The following NDST3 variants were observed in gnomAD, a reference collection of about 807,000 sequenced individuals.
The protein encoded by NDST3 is bifunctional heparan sulfate N-deacetylase/N-sulfotransferase 3.
A neutral mutation model predicts 96.1 loss-of-function variants in NDST3; 58 were observed. That is an observed-to-expected ratio of 0.60 (90% CI 0.49 to 0.75). The LOEUF (loss-of-function observed/expected upper bound fraction) is 0.75. Ranked by LOEUF, NDST3 falls within the 30% of genes least tolerant of loss-of-function variation. The pLI is 0.00. For missense variants in NDST3, 788 were observed against 1,034.2 expected, an observed-to-expected ratio of 0.76 and a Z score of 3.27; for synonymous variants, 333 against 359.7, an observed-to-expected ratio of 0.93 and a Z score of 0.84.
At chr4:118,172,095 C>T (rs1335646184) in intron 6 of NDST3, among the ~76,000 whole-genome samples, 1 of 152,134 alleles carries the variant, frequency 6.6e-6, no homozygotes, top group African/African-American at 2.4e-5. Flanking sequence ...ATTATCGGGC[C>T]ATCTCAATGT....
At chr4:118,069,497 A>G (rs1390912300) in intron 2 of NDST3, among the ~76,000 whole-genome samples, 8 of 152,052 alleles carry the variant, frequency 5.3e-5, no homozygotes, top group Admixed American at 4.6e-4. Flanking sequence ...CTAAATGTCC[A>G]AAATGAAAAT....
At chr4:118,172,260 T>G (rs1325100020) in intron 6 of NDST3, among the ~76,000 whole-genome samples, 1 of 152,314 alleles carries the variant, frequency 6.6e-6, no homozygotes, top group East Asian at 1.9e-4. Context: ...GATTCTGAGA[T>G]TGCTGTTTTC....
chr4:118,160,744 T>C (rs1443634005), intron 6 of NDST3, among the ~76,000 whole-genome samples: 2 of 152,206 alleles, frequency 1.3e-5, no homozygotes, highest in South Asian at 2.1e-4. Context: ...CACTTCTCTG[T>C]ATTGGTTACT....
chr4:118,131,831 T>G (rs1732641516), intron 4 of NDST3, among the ~76,000 whole-genome samples: 1 of 152,160 alleles, frequency 6.6e-6, no homozygotes, highest in Non-Finnish European at 1.5e-5. Flanking sequence ...TTGGTGGTCT[T>G]GGAGAAGATC....
chr4:118,157,230 G>A (rs9999336), intron 6 of NDST3, among the ~76,000 whole-genome samples: 10,101 of 151,870 alleles, frequency 0.067, 735 homozygotes, highest in African/African-American at 0.18. Context: ...CTACTTGTAC[G>A]AAAAGAAATA....
chr4:118,040,883 T>TTA lies in NDST3; in HGVS notation c.-156+6305_-156+6306dup, dbSNP rs1341299745. On this transcript the variant is annotated intron_variant, in intron 1 of 13. Transcript: ENST00000296499. ...TATATATTTTTATATATATATATAT[T>TTA]TATATATATATATATTTATATATAT... Among the ~76,000 whole-genome samples the TTA allele has an allele frequency of 1.1e-3, 150 of 141,888 alleles. 1 individual carries two copies. The highest frequency in any genetic ancestry group is 6.4e-3 in the South Asian group (29 of 4,548). The allele number at this position is 141,888 out of a possible 152,430, so 93.1% of individuals were successfully genotyped here.
chr4:118,104,137 AG>A (rs1438743291), intron 2 of NDST3, among the ~76,000 whole-genome samples: 1 of 152,202 alleles, frequency 6.6e-6, no homozygotes, highest in African/African-American at 2.4e-5. Context: ...AAAGAAGATA[AG>A]GTGTGATAGA....
At chr4:118,080,558 T>C (rs925165000) in intron 2 of NDST3, among the ~76,000 whole-genome samples, 4 of 152,204 alleles carry the variant, frequency 2.6e-5, no homozygotes, top group African/African-American at 9.6e-5. Flanking sequence ...TATTCCTAAA[T>C]TAATTCACGA....
In NDST3 at chr4:118,222,669, T is replaced by C. The variant is rs145998129; in HGVS notation, c.1540-1822T>C. Among the ~76,000 whole-genome samples, 891 of 152,132 alleles carry C rather than the reference T, an allele frequency of 5.9e-3. 10 individuals carry two copies. The highest frequency in any genetic ancestry group is 0.02 in the African/African-American group (842 of 41,550). ...TAGGTTTTCTTTTACAGGACTAAGTTCAACACCTTATAAGTATCACCTTAA... is the reference window on the plus strand; with the variant it reads ...TAGGTTTTCTTTTACAGGACTAAGTCCAACACCTTATAAGTATCACCTTAA... On this transcript the variant is annotated intron_variant, in intron 6 of 13. Transcript: ENST00000296499.
chr4:118,044,455 G>GT (rs1724638198), intron 1 of NDST3, among the ~76,000 whole-genome samples: 2 of 152,208 alleles, frequency 1.3e-5, no homozygotes, highest in South Asian at 4.1e-4. Flanking sequence ...TCTCTGCAGT[G>GT]TTTGTAAGAT....
intron 6 of NDST3, among the ~76,000 whole-genome samples, chr4:118,195,524 T>C (rs1737621175): frequency 6.6e-6 from 1 of 152,228 alleles, no homozygotes; most frequent in South Asian, 2.1e-4. Flanking sequence ...CATTAAACCT[T>C]TTTCCTTTAT....
rs116280033 is a variant in NDST3, at chr4:118,067,959, G to C, written c.981+13068G>C. Among the ~76,000 whole-genome samples the C allele has an allele frequency of 4.8e-3, 726 of 151,818 alleles. 7 individuals are homozygous for C. The highest frequency in any genetic ancestry group is 0.017 in the African/African-American group (695 of 41,418). On this transcript the variant is annotated intron_variant, in intron 2 of 13. Transcript: ENST00000296499. Reference sequence around the variant, plus strand: ...AAAAGAAAAAAGAAAAAAAAGAAAAGAAATTGACACAATTTCAGTGCAACA... The same window carrying C: ...AAAAGAAAAAAGAAAAAAAAGAAAACAAATTGACACAATTTCAGTGCAACA...
chr4:118,064,456 G>A (rs1023868024), intron 2 of NDST3, among the ~76,000 whole-genome samples: 3 of 151,910 alleles, frequency 2.0e-5, no homozygotes, highest in Non-Finnish European at 4.4e-5. Context: ...AATAAATGAT[G>A]AGATCTACTT....
At chr4:118,193,582 G>A (rs1477869257) in intron 6 of NDST3, 2 of 1,148,592 alleles carry the variant, frequency 1.7e-6, no homozygotes, top group Admixed American at 1.7e-5. Context: ...GCTGCCTGCA[G>A]ATCTGCTGCT....
chr4:118,141,475 T>C (rs951476420), intron 5 of NDST3, among the ~76,000 whole-genome samples: 6 of 152,166 alleles, frequency 3.9e-5, no homozygotes, highest in African/African-American at 1.4e-4. Flanking sequence ...GCAGGAGTAG[T>C]GCTCCTGCAG....
At chr4:118,193,871 G>T in intron 6 of NDST3, 1 of 1,110,284 alleles carries the variant, frequency 9.0e-7, no homozygotes, top group Non-Finnish European at 1.4e-6. Flanking sequence ...GGAAAAACTA[G>T]ACTCATATTC....
At chr4:118,155,703 T>C (rs1426075390) in intron 6 of NDST3, among the ~76,000 whole-genome samples, 1 of 152,182 alleles carries the variant, frequency 6.6e-6, no homozygotes, top group Non-Finnish European at 1.5e-5. Flanking sequence ...ATTGGTTTTG[T>C]TATATGTCAT....
chr4:118,176,935 T>A (rs1355600056), intron 6 of NDST3, among the ~76,000 whole-genome samples: 1 of 152,050 alleles, frequency 6.6e-6, no homozygotes, highest in Non-Finnish European at 1.5e-5. Flanking sequence ...AAGGTAGATT[T>A]AAGTTGAAAC....
At chr4:118,167,153 C>A (rs1222245561) in intron 6 of NDST3, among the ~76,000 whole-genome samples, 1 of 151,602 alleles carries the variant, frequency 6.6e-6, no homozygotes, top group African/African-American at 2.4e-5. Context: ...AGATTTCACA[C>A]AGAAACATAC....
Sources: allele counts gnomAD v4.1 joint callset (sites outside exome capture counted in the v4.1 genomes callset), GRCh38; gene constraint gnomAD v4.1.1; transcripts MANE v1.5; gene names NCBI Gene and HGNC (gene_info 2026-07-23, HGNC 2026-07-21).